Variants in CRADD observed in about 807,000 individuals in gnomAD.
The protein encoded by CRADD is CARD and death domain containing adaptor protein.
A neutral mutation model predicts 15.5 loss-of-function variants in CRADD; 9 were observed. The observed-to-expected ratio is 0.58, with a 90% confidence interval of 0.35 to 1.01. CRADD has a LOEUF of 1.01. Ranked by LOEUF, CRADD falls within the 50% of genes least tolerant of loss-of-function variation. CRADD has a pLI of 0.02. For synonymous variants in CRADD, 118 were observed against 107.6 expected (o/e 1.10, Z -0.60); for missense variants, 227 against 250.3 (o/e 0.91, Z 0.63).
chr12:93,685,199 C>T (rs547815579), intron 2 of CRADD, among the ~76,000 whole-genome samples: 144 of 152,148 alleles, frequency 9.5e-4, no homozygotes, highest in Non-Finnish European at 1.7e-3. Context: ...TTATGGCAAG[C>T]AAAACTTTTC....
Position 93,850,652 on chromosome 12 carries a change from T to A in CRADD, c.*381T>A, listed in dbSNP as rs1027138845. 4.1e-6 allele frequency: 4 copies of A among 970,492 alleles called. No homozygotes were observed. In the African/African-American group the frequency reaches 5.3e-5, roughly 13 times the overall value. 60.1% of individuals were successfully genotyped at this position (970,492 alleles called of 1,614,324 possible). ...AGGCAGGTGTCTCATATGTAAAACA[T>A]TTACCTGAATGTTGTCTGAGGACTG... is the stretch of plus-strand genomic sequence containing the variant. On this transcript the variant is annotated 3_prime_UTR_variant, in exon 3 of 3. Transcript: ENST00000332896. This position sits in a 1 kb window ranked among gnomAD's most constrained non-coding sequence, Gnocchi z 4.0.
At chr12:93,795,409 T>C (rs7968218) in intron 2 of CRADD, among the ~76,000 whole-genome samples, 15,643 of 152,216 alleles carry the variant, frequency 0.1, 960 homozygotes, top group Admixed American at 0.2. Flanking sequence ...TTGGGCTCTT[T>C]GTCATTTTCA....
downstream of CRADD, among the ~76,000 whole-genome samples, chr12:93,852,600 AC>A (rs762332451): frequency 3.3e-5 from 5 of 152,230 alleles, no homozygotes; most frequent in Admixed American, 6.5e-5. Context: ...CTATCTTGGT[AC>A]TACCTCTGGC....
At chr12:93,892,574 A>G (rs571109964) in intron 2 of CRADD, among the ~76,000 whole-genome samples, 1 of 150,938 alleles carries the variant, frequency 6.6e-6, no homozygotes, top group African/African-American at 2.4e-5. Flanking sequence ...TCTCCCTTCA[A>G]GGAACCCTGT....
chr12:93,878,356 A>G (rs1214878304), intron 2 of CRADD, among the ~76,000 whole-genome samples: 1 of 152,160 alleles, frequency 6.6e-6, no homozygotes, highest in Non-Finnish European at 1.5e-5. Flanking sequence ...GCTGGTATCC[A>G]AGATGCAAGA....
At chr12:93,692,496 A>G (rs1189499578) in intron 2 of CRADD, among the ~76,000 whole-genome samples, 1 of 152,204 alleles carries the variant, frequency 6.6e-6, no homozygotes, top group African/African-American at 2.4e-5. Flanking sequence ...AGCAAATAAC[A>G]TATAAGACAA....
chr12:93,796,078 T>C (rs577962316), intron 2 of CRADD, among the ~76,000 whole-genome samples: 4 of 152,332 alleles, frequency 2.6e-5, no homozygotes, highest in Non-Finnish European at 4.4e-5. Context: ...CATGTAATAA[T>C]AGCTATCTAT....
intron 2 of CRADD, among the ~76,000 whole-genome samples, chr12:93,689,639 A>G (rs1444694596): frequency 6.6e-6 from 1 of 152,182 alleles, no homozygotes; most frequent in African/African-American, 2.4e-5. Context: ...TTCATGTTCT[A>G]TTTATGCTCA....
At chr12:93,719,373 G>A (rs188325958) in intron 2 of CRADD, among the ~76,000 whole-genome samples, 3 of 152,116 alleles carry the variant, frequency 2.0e-5, no homozygotes, top group East Asian at 3.9e-4. Flanking sequence ...GAGGATTTTT[G>A]CGTTTATGTT....
chr12:93,739,647 C>T lies in CRADD; in HGVS notation c.298+60575C>T, dbSNP rs547602142. On this transcript the variant is annotated intron_variant, in intron 2 of 2. Transcript: ENST00000332896. ...ACTGGATTTCAAGAATTCAGAAAGA[C>T]AAAAAGAAAACTCATAATTTTGAAA... 2.5e-4 allele frequency among the ~76,000 whole-genome samples: 38 copies of T among 152,036 alleles called. No homozygotes were observed. The South Asian group carries it at 3.9e-3, about 16-fold the overall frequency.
intron 2 of CRADD, among the ~76,000 whole-genome samples, chr12:93,753,952 C>T (rs981022071): frequency 6.6e-6 from 1 of 152,246 alleles, no homozygotes; most frequent in African/African-American, 2.4e-5. Context: ...GTGAGGGGCT[C>T]CAACCCCACA....
At chr12:93,785,194 G>A (rs1957264954) in intron 2 of CRADD, among the ~76,000 whole-genome samples, 1 of 151,994 alleles carries the variant, frequency 6.6e-6, no homozygotes, top group African/African-American at 2.4e-5. Flanking sequence ...TTCCTAGTCT[G>A]GGAGAGGAAG....
rs547602191 is a variant in CRADD at position 93,747,764 on chromosome 12, C to T, written c.298+68692C>T. 7.2e-5 allele frequency among the ~76,000 whole-genome samples: 11 copies of T among 152,270 alleles called. No individual in the cohort carries two copies. In the East Asian group the frequency reaches 2.1e-3, roughly 29 times the overall value. ...TACAGGCGTGAGCCACCACTCCTGG[C>T]CTAATTTTTCCTTCCCTTTTAATGC... On this transcript the variant is annotated intron_variant, in intron 2 of 2. Transcript: ENST00000332896.
chr12:93,859,959 G>A (rs144844622), intron 2 of CRADD, among the ~76,000 whole-genome samples: 1 of 151,596 alleles, frequency 6.6e-6, no homozygotes, highest in African/African-American at 2.4e-5. Flanking sequence ...CGAGCTCCTG[G>A]GCTCAAGCCA....
intron 2 of CRADD, among the ~76,000 whole-genome samples, chr12:93,715,922 G>A (rs56853270): frequency 0.041 from 6,231 of 151,990 alleles, 399 homozygotes; most frequent in African/African-American, 0.14. Flanking sequence ...CGGGGGGATC[G>A]CTTGAGGTCA....
intron 2 of CRADD, among the ~76,000 whole-genome samples, chr12:93,791,915 T>A (rs1365782174): frequency 7.9e-6 from 1 of 126,000 alleles, no homozygotes; most frequent in African/African-American, 3.1e-5. Context: ...TTTTTTTTTT[T>A]AGTCTCCAGG....
At chr12:93,848,140 T>A (rs1958154853) in intron 2 of CRADD, among the ~76,000 whole-genome samples, 1 of 151,660 alleles carries the variant, frequency 6.6e-6, no homozygotes, top group Non-Finnish European at 1.5e-5. Context: ...TGCGCTGTTT[T>A]CTGTTGCTTT....
downstream of CRADD, chr12:93,850,769 GT>G (rs796396965): frequency 4.9e-3 from 4,165 of 841,592 alleles, 13 homozygotes; most frequent in African/African-American, 0.022. This position sits in a 1 kb window ranked among gnomAD's most constrained non-coding sequence, Gnocchi z 4.0. Context: ...ACCGTGTTGG[GT>G]TTTTTTTTTT....
At chr12:93,704,398 T>C (rs1218686414) in intron 2 of CRADD, among the ~76,000 whole-genome samples, 1 of 152,210 alleles carries the variant, frequency 6.6e-6, no homozygotes, top group Admixed American at 6.5e-5. Flanking sequence ...TACTGTATTT[T>C]AAAAGGCACC....
Sources: allele counts gnomAD v4.1 joint callset (sites outside exome capture counted in the v4.1 genomes callset), GRCh38; gene constraint gnomAD v4.1.1; non-coding constraint Gnocchi (gnomAD v3.1); transcripts MANE v1.5; gene names NCBI Gene and HGNC (gene_info 2026-07-23, HGNC 2026-07-21).